Variants in C1GALT1 observed in about 807,000 individuals in gnomAD.
The protein encoded by C1GALT1 is core 1 synthase, glycoprotein-N-acetylgalactosamine 3-beta-galactosyltransferase 1.
Under a neutral mutation model 31.0 loss-of-function variants are expected in C1GALT1, and 11 were observed. The observed-to-expected ratio is 0.36, with a 90% CI of 0.22 to 0.59. The LOEUF (loss-of-function observed/expected upper bound fraction) is 0.59. C1GALT1 is among the 20% of genes least tolerant of loss of function. The pLI is 0.79. For synonymous variants in C1GALT1, 175 were observed against 143.6 expected, an observed-to-expected ratio of 1.22 and a Z score of -1.56; for missense variants, 424 against 425.2, an observed-to-expected ratio of 1.00 and a Z score of 0.03.
chr7:7,188,990 T>A (rs1780938605), intron 1 of C1GALT1, among the ~76,000 whole-genome samples: 1 of 152,204 alleles, frequency 6.6e-6, no homozygotes, highest in Non-Finnish European at 1.5e-5. Context: ...TACTCTTTTC[T>A]GTCTATGATT....
intron 2 of C1GALT1, among the ~76,000 whole-genome samples, chr7:7,173,156 G>A (rs1001403048): frequency 5.9e-5 from 9 of 152,244 alleles, no homozygotes; most frequent in Admixed American, 4.6e-4. Context: ...CATGGAAGCA[G>A]ATCCTTCATG....
chr7:7,157,761 CT>C (rs1780288647), intron 2 of C1GALT1, among the ~76,000 whole-genome samples: 1 of 152,156 alleles, frequency 6.6e-6, no homozygotes. Context: ...TACCACCAAA[CT>C]TCAAATTTCA....
rs187879663 is a variant in C1GALT1 at position 7,219,396 on chromosome 7, C to T, written c.-17-14907C>T. Among the ~76,000 whole-genome samples, 50 of 128,078 alleles carry T rather than the reference C, an allele frequency of 3.9e-4. 1 individual carries two copies. The highest frequency in any genetic ancestry group is 1.6e-3 in the African/African-American group (47 of 30,070). 84.0% of individuals were successfully genotyped at this position (128,078 alleles called of 152,430 possible). A position where few individuals can be genotyped will look rare whatever the true frequency, so the allele number is the denominator to read the frequency against. On this transcript the variant is annotated intron_variant, in intron 1 of 3. Coordinates refer to ENST00000436587, the MANE Select transcript of C1GALT1 (RefSeq NM_020156.5). ...GTTTATCAGTTGAAACAAATGTACC[C>T]TCTGGTGAGGAATGTTGATAACAGG...
At chr7:7,183,725 C>G in intron 1 of C1GALT1, 1 of 430,306 alleles carries the variant, frequency 2.3e-6, no homozygotes, top group Non-Finnish European at 3.1e-6. Context: ...ACAAAAAACC[C>G]ACACATCCTG....
At chr7:7,209,836 G>T (rs927747003) in intron 1 of C1GALT1, among the ~76,000 whole-genome samples, 1 of 152,176 alleles carries the variant, frequency 6.6e-6, no homozygotes, top group Non-Finnish European at 1.5e-5. Flanking sequence ...GAGAGTCAGC[G>T]AAGGGAGATG....
chr7:7,216,957 T>C (rs1041513524), intron 1 of C1GALT1, among the ~76,000 whole-genome samples: 2 of 147,238 alleles, frequency 1.4e-5, no homozygotes, highest in African/African-American at 5.1e-5. Context: ...TTTCCTAAAC[T>C]GTAAGTATTC....
At chr7:7,215,845 A>C (rs1490878445) in intron 1 of C1GALT1, among the ~76,000 whole-genome samples, 1 of 152,068 alleles carries the variant, frequency 6.6e-6, no homozygotes, top group Non-Finnish European at 1.5e-5. Flanking sequence ...AATTTTGGAA[A>C]GTCTCTGTAT....
At chr7:7,160,594 C>T (rs1250483502) in intron 2 of C1GALT1, among the ~76,000 whole-genome samples, 1 of 152,084 alleles carries the variant, frequency 6.6e-6, no homozygotes, top group Non-Finnish European at 1.5e-5. Flanking sequence ...TATGTGTCTG[C>T]TAACCTAAAT....
At chr7:7,243,178 A>G (rs1321599437) in intron 3 of C1GALT1, among the ~76,000 whole-genome samples, 1 of 152,138 alleles carries the variant, frequency 6.6e-6, no homozygotes, top group African/African-American at 2.4e-5. Context: ...AGGAAGAGAA[A>G]GCAGATGTTG....
At chr7:7,168,956 C>G (rs1301588222) in intron 2 of C1GALT1, among the ~76,000 whole-genome samples, 1 of 152,172 alleles carries the variant, frequency 6.6e-6, no homozygotes, top group African/African-American at 2.4e-5. Context: ...TGTGCAAACA[C>G]CACCACTATC....
intron 1 of C1GALT1, among the ~76,000 whole-genome samples, chr7:7,211,302 C>G (rs907049107): frequency 6.6e-6 from 1 of 152,100 alleles, no homozygotes; most frequent in African/African-American, 2.4e-5. Flanking sequence ...TGTAGCCACC[C>G]GGGGCTGAAG....
At chr7:7,200,239 G>A (rs1322379085) in intron 1 of C1GALT1, among the ~76,000 whole-genome samples, 1 of 152,156 alleles carries the variant, frequency 6.6e-6, no homozygotes, top group Non-Finnish European at 1.5e-5. Context: ...AGGCCTGGTG[G>A]TGACAAAATC....
intron 1 of C1GALT1, among the ~76,000 whole-genome samples, chr7:7,215,234 C>T (rs1056104483): frequency 3.3e-5 from 5 of 152,126 alleles, no homozygotes; most frequent in African/African-American, 7.2e-5. Context: ...TGCATCCTAA[C>T]CTAAGGTACC....
intron 1 of C1GALT1, among the ~76,000 whole-genome samples, chr7:7,204,882 C>T (rs951606133): frequency 3.3e-5 from 5 of 152,136 alleles, no homozygotes; most frequent in African/African-American, 9.7e-5. Flanking sequence ...TTGTATTGTG[C>T]TCAGAGAAGA....
chr7:7,236,439 T>C (rs1226165479), intron 2 of C1GALT1, among the ~76,000 whole-genome samples: 1 of 152,352 alleles, frequency 6.6e-6, no homozygotes, highest in South Asian at 2.1e-4. Context: ...ATGTCTATGC[T>C]TTCTGACTGA....
chr7:7,203,347 T>C (rs1022495759), intron 1 of C1GALT1, among the ~76,000 whole-genome samples: 1 of 152,144 alleles, frequency 6.6e-6, no homozygotes, highest in Non-Finnish European at 1.5e-5. Context: ...TTTAGTCCTT[T>C]ACCATGTGTC....
chr7:7,247,107 T>C lies in C1GALT1; in HGVS notation c.*3380T>C, dbSNP rs1261675715. On this transcript the variant is annotated 3_prime_UTR_variant, in exon 4 of 4. Coordinates refer to ENST00000436587, the MANE Select transcript of C1GALT1 (RefSeq NM_020156.5). ...ACAATTGTTAGTAAAAAAAATTAAA[T>C]TGAAGTAGTAAATGCTGTTTTATAA... 6.6e-6 allele frequency: 1 copy of C among 152,166 alleles called. No individual in the cohort carries two copies. Among genetic ancestry groups the C allele is most frequent in the African/African-American group, 2.4e-5 (1 of 41,440 alleles). 9.4% of individuals were successfully genotyped at this position (152,166 alleles called of 1,614,324 possible).
At chr7:7,183,921 G>C (rs965256282) in intron 1 of C1GALT1, among the ~76,000 whole-genome samples, 6 of 152,172 alleles carry the variant, frequency 3.9e-5, no homozygotes, top group African/African-American at 1.4e-4. Context: ...GTGTAAGGGA[G>C]AGAAATATGT....
At chr7:7,175,438 G>A (rs1338938177) in intron 2 of C1GALT1, among the ~76,000 whole-genome samples, 1 of 152,180 alleles carries the variant, frequency 6.6e-6, no homozygotes, top group Non-Finnish European at 1.5e-5. Flanking sequence ...GCATGTGCAT[G>A]GCTTTCTAAA....
Sources: allele counts gnomAD v4.1 joint callset (sites outside exome capture counted in the v4.1 genomes callset), GRCh38; gene constraint gnomAD v4.1.1; transcripts MANE v1.5; gene names NCBI Gene and HGNC (gene_info 2026-07-23, HGNC 2026-07-21).